Variants in ZNF678 observed in about 807,000 individuals in gnomAD.
ZNF678 encodes the protein zinc finger protein 678.
ZNF678 carries 5 observed loss-of-function variants against 3.0 expected under a neutral mutation model. The ratio of observed to expected loss-of-function variants is 1.69; its 90% CI spans 0.88 to 3.56. The LOEUF is 3.56. ZNF678 is among the 30% of genes most tolerant of loss of function. The pLI, the probability that ZNF678 is intolerant of heterozygous loss-of-function variation, is 0.00. For synonymous variants in ZNF678, 218 were observed against 199.6 expected, an observed-to-expected ratio of 1.09 and a Z score of -0.78; for missense variants, 593 against 605.0, an observed-to-expected ratio of 0.98 and a Z score of 0.21.
chr1:227,669,684 A>G (rs1659568381), intron 5 of ZNF678, among the ~76,000 whole-genome samples: 1 of 151,964 alleles, frequency 6.6e-6, no homozygotes, highest in Admixed American at 6.6e-5. Context: ...CGGTCAGAAT[A>G]GCTATTATCA....
chr1:227,604,454 T>C (rs1032155410), intron 1 of ZNF678, among the ~76,000 whole-genome samples: 5 of 152,180 alleles, frequency 3.3e-5, no homozygotes, highest in Non-Finnish European at 5.9e-5. Flanking sequence ...GGCATGCTTA[T>C]GGCTCACTGC....
intron 1 of ZNF678, among the ~76,000 whole-genome samples, chr1:227,607,104 C>T (rs1231217987): frequency 6.6e-6 from 1 of 152,212 alleles, no homozygotes; most frequent in Non-Finnish European, 1.5e-5. Context: ...CTGAGATACT[C>T]TATACATGAT....
intron 1 of ZNF678, among the ~76,000 whole-genome samples, chr1:227,640,083 GAGAAGGA>G (rs1215688283): frequency 6.6e-6 from 1 of 152,224 alleles, no homozygotes; most frequent in African/African-American, 2.4e-5. Context: ...ATGGGCAGGA[GAGAAGGA>G]AGAACCTGGA....
intron 1 of ZNF678, among the ~76,000 whole-genome samples, chr1:227,594,809 T>C (rs1657519415): frequency 6.6e-6 from 1 of 152,242 alleles, no homozygotes; most frequent in Non-Finnish European, 1.5e-5. Context: ...GGACAAGAGT[T>C]TACCATATAA....
chr1:227,629,944 C>CTT (rs879455911), intron 1 of ZNF678, among the ~76,000 whole-genome samples: 75 of 145,826 alleles, frequency 5.1e-4, no homozygotes, highest in African/African-American at 1.7e-3. Context: ...AAGTGATGGC[C>CTT]TTTTTTTTTT....
intron 5 of ZNF678, chr1:227,677,092 G>A (rs1034133835): frequency 6.6e-6 from 1 of 152,094 alleles, no homozygotes; most frequent in Non-Finnish European, 1.5e-5. Flanking sequence ...CTGAGGAATC[G>A]CCACACTGAC....
chr1:227,613,016 T>C lies in ZNF678; in HGVS notation c.-163-33528T>C, dbSNP rs139156743. 4.7e-3 allele frequency among the ~76,000 whole-genome samples: 710 copies of C among 152,322 alleles called. 3 individuals are homozygous for C. Among genetic ancestry groups the C allele is most frequent in the Middle Eastern group, 6.8e-3 (2 of 294 alleles). On this transcript the variant is annotated intron_variant, in intron 1 of 3. Transcript: ENST00000343776. ...CCTAAGGTCACCCAAAATTGGGCAC[T>C]GGGGAATGGCATTACCTGAGCCTTT...
chr1:227,586,778 C>G (rs1657273604), intron 1 of ZNF678, among the ~76,000 whole-genome samples: 1 of 152,170 alleles, frequency 6.6e-6, no homozygotes, highest in African/African-American at 2.4e-5. Flanking sequence ...GTCAGTTTTA[C>G]CAGTGCCAGG....
chr1:227,563,561 T>C lies in ZNF678; in HGVS notation c.-327T>C. 12 of 701,208 alleles carry C rather than the reference T, an allele frequency of 1.7e-5. No homozygotes were observed. In the South Asian group the frequency reaches 1.7e-4, roughly 10 times the overall value. The allele number at this position is 701,208 out of a possible 1,614,324, so 43.4% of individuals were successfully genotyped here. A position where few individuals can be genotyped will look rare whatever the true frequency, so the allele number is the denominator to read the frequency against. The stretch of plus-strand genomic sequence containing the variant: ...TTTCCGGGATCTGGCGGGGCCTTTG[T>C]CTTGTGCTCCAGCTGGAGCTTTGGT... On this transcript the variant is annotated 5_prime_UTR_variant, in exon 1 of 4. Coordinates refer to ENST00000343776, the MANE Select transcript of ZNF678 (RefSeq NM_001367909.1).
intron 2 of ZNF678, among the ~76,000 whole-genome samples, chr1:227,649,831 G>A (rs1313908991): frequency 6.6e-6 from 1 of 151,630 alleles, no homozygotes; most frequent in Non-Finnish European, 1.5e-5. Flanking sequence ...ATATCTATTG[G>A]GTCTTTTGCC....
At chr1:227,663,267 G>A (rs1349077744), downstream of ZNF678, among the ~76,000 whole-genome samples, 5 of 152,212 alleles carry the variant, frequency 3.3e-5, no homozygotes, top group African/African-American at 4.8e-5. Context: ...AGTTTGTTAA[G>A]ACACATACAA....
At chr1:227,635,835 A>G (rs572535935) in intron 1 of ZNF678, among the ~76,000 whole-genome samples, 1 of 152,070 alleles carries the variant, frequency 6.6e-6, no homozygotes, top group African/African-American at 2.4e-5. Flanking sequence ...ACTGGGCCTG[A>G]GAAGGGAGGA....
chr1:227,594,906 T>A (rs1657522006), intron 1 of ZNF678, among the ~76,000 whole-genome samples: 1 of 152,222 alleles, frequency 6.6e-6, no homozygotes, highest in Non-Finnish European at 1.5e-5. Flanking sequence ...AGGTTTCCTC[T>A]AAAAGTTATT....
At chr1:227,606,852 CT>C (rs1395493458) in intron 1 of ZNF678, among the ~76,000 whole-genome samples, 1 of 152,194 alleles carries the variant, frequency 6.6e-6, no homozygotes, top group Non-Finnish European at 1.5e-5. Flanking sequence ...TCCCTTAAAC[CT>C]TGATTCAGTA....
Position 227,654,401 on chromosome 1 carries a change from G to C in ZNF678, c.151G>C (p.Val51Leu), listed in dbSNP as rs1453743011. 6.2e-7 allele frequency: 1 copy of C among 1,608,158 alleles called. No homozygotes were observed. Among genetic ancestry groups the C allele is most frequent in the Non-Finnish European group, 8.5e-7 (1 of 1,177,590 alleles). ...EQDMKDLCQK[V>L]TLTRHRSWGL... ...GGATATGAAAGATTTATGCCAAAAA[G>C]TGACACTGACAAGACATAGAAGCTG... is the stretch of plus-strand genomic sequence containing the variant. The change falls in exon 4 of 4, where the codon GTG becomes CTG. Residue 51 changes from valine to leucine, a missense_variant. Coordinates refer to ENST00000343776, the MANE Select transcript of ZNF678 (RefSeq NM_001367909.1).
chr1:227,638,297 G>A lies in ZNF678; in HGVS notation c.-163-8247G>A, dbSNP rs1418284890. Among the ~76,000 whole-genome samples, 1 of 152,160 alleles carries A rather than the reference G, an allele frequency of 6.6e-6. No homozygotes were observed. The highest frequency in any genetic ancestry group is 2.4e-5 in the African/African-American group (1 of 41,418). ...GGAATTGCGGAAAGTGAAGTATATG[G>A]GTCAGGAACTACTAGACAGCTTGGT... On this transcript the variant is annotated intron_variant, in intron 1 of 3. Transcript: ENST00000343776. The surrounding 1 kb of genome is among the most constrained non-coding windows in gnomAD (Gnocchi z 4.2).
At chr1:227,636,613 G>T (rs1248367124) in intron 1 of ZNF678, among the ~76,000 whole-genome samples, 1 of 152,168 alleles carries the variant, frequency 6.6e-6, no homozygotes, top group Non-Finnish European at 1.5e-5. Flanking sequence ...TTGTCCCTTT[G>T]CCATCTTTTG....
chr1:227,593,536 A>G (rs146071763), intron 1 of ZNF678, among the ~76,000 whole-genome samples: 157 of 152,270 alleles, frequency 1.0e-3, no homozygotes, highest in African/African-American at 3.7e-3. Context: ...CCCTGGATTA[A>G]TGGTCCTAGT....
intron 5 of ZNF678, among the ~76,000 whole-genome samples, chr1:227,669,288 A>C (rs1449614398): frequency 1.3e-5 from 2 of 152,206 alleles, no homozygotes; most frequent in African/African-American, 4.8e-5. Flanking sequence ...AAGACATACA[A>C]GTGGCCAATG....
Sources: gnomAD v4.1 joint callset for allele counts (sites outside exome capture counted in the v4.1 genomes callset) on GRCh38, gnomAD v4.1.1 for gene constraint, Gnocchi (gnomAD v3.1) non-coding constraint, MANE v1.5 for transcripts, NCBI Gene and HGNC (gene_info 2026-07-23, HGNC 2026-07-21) for gene names.